PRR16: variants seen among roughly 807,000 people sequenced by gnomAD.
PRR16 encodes the protein protein Largen.
In PRR16, 6 loss-of-function variants were observed where a neutral mutation model predicts 18.2. The observed-to-expected ratio is 0.33, with a 90% CI of 0.18 to 0.65. The LOEUF (loss-of-function observed/expected upper bound fraction) is 0.65, where lower values mean the gene tolerates loss of function less well. Among genes scored for constraint, PRR16 ranks in the 30% least tolerant of loss-of-function variants. The pLI, the probability that PRR16 is intolerant of heterozygous loss-of-function variation, is 0.74. For synonymous variants in PRR16, 151 were observed against 147.8 expected, an observed-to-expected ratio of 1.02 and a Z score of -0.16; for missense variants, 412 against 376.6, an observed-to-expected ratio of 1.09 and a Z score of -0.78.
At chr5:120,672,227 A>C (rs1224380783) in intron 1 of PRR16, among the ~76,000 whole-genome samples, 1 of 122,634 alleles carries the variant, frequency 8.2e-6, no homozygotes, top group African/African-American at 3.0e-5. Flanking sequence ...CTTGAAGGGC[A>C]GGTGAGGGGT....
chr5:120,475,386 T>TTCTCCTCTACTTTCTGTCTTAC (rs1749407630), intron 1 of PRR16, among the ~76,000 whole-genome samples: 1 of 152,186 alleles, frequency 6.6e-6, no homozygotes, highest in African/African-American at 2.4e-5. Flanking sequence ...TTTTTATCCT[T>TTCTCCTCTACTTTCTGTCTTAC]TCTCCTCTAC....
the PRR16 span, among the ~76,000 whole-genome samples, chr5:120,781,933 T>C: frequency 1.3e-5 from 2 of 152,234 alleles, no homozygotes; most frequent in Non-Finnish European, 2.9e-5. Context: ...ATAAAAATTC[T>C]ATTTTTCTAG....
At chr5:120,754,791 T>G in the PRR16 span, among the ~76,000 whole-genome samples, 1 of 150,548 alleles carries the variant, frequency 6.6e-6, no homozygotes, top group South Asian at 2.1e-4. Context: ...TATTGCTAAC[T>G]CTATACCATT....
At chr5:120,676,228 T>G (rs1756790820) in intron 1 of PRR16, among the ~76,000 whole-genome samples, 1 of 152,292 alleles carries the variant, frequency 6.6e-6, no homozygotes, top group South Asian at 2.1e-4. Context: ...AAGTCTACAT[T>G]CCCCAGTATC....
the PRR16 span, among the ~76,000 whole-genome samples, chr5:120,777,887 G>T: frequency 1.3e-5 from 2 of 152,038 alleles, no homozygotes; most frequent in Admixed American, 6.6e-5. Context: ...ATATTAAGTT[G>T]ACTTTATTAG....
intron 1 of PRR16, among the ~76,000 whole-genome samples, chr5:120,627,657 C>T (rs1754911042): frequency 6.6e-6 from 1 of 152,060 alleles, no homozygotes; most frequent in African/African-American, 2.4e-5. Flanking sequence ...GATTATTTAA[C>T]TATTGTGCTG....
chr5:120,716,002 C>T, the PRR16 span, among the ~76,000 whole-genome samples: 5 of 152,114 alleles, frequency 3.3e-5, no homozygotes, highest in East Asian at 9.6e-4. Context: ...AGGATTAGTT[C>T]AGCCTCCAAT....
chr5:120,682,027 G>C (rs1460238049), intron 1 of PRR16, among the ~76,000 whole-genome samples: 3 of 152,148 alleles, frequency 2.0e-5, no homozygotes, highest in Non-Finnish European at 2.9e-5. Flanking sequence ...TCTCACTTCT[G>C]CAACTCTTTA....
intron 1 of PRR16, among the ~76,000 whole-genome samples, chr5:120,470,979 C>T (rs1182982441): frequency 6.6e-6 from 1 of 152,102 alleles, no homozygotes; most frequent in African/African-American, 2.4e-5. Flanking sequence ...TATTGCCAAA[C>T]TGTCTTCCAG....
chr5:120,658,634 T>G (rs1373702629), intron 1 of PRR16, among the ~76,000 whole-genome samples: 1 of 151,790 alleles, frequency 6.6e-6, no homozygotes, highest in Admixed American at 6.6e-5. Flanking sequence ...AAGACAAAAA[T>G]AAGATACTAC....
intron 1 of PRR16, among the ~76,000 whole-genome samples, chr5:120,538,929 G>A (rs993954871): frequency 3.3e-5 from 5 of 152,114 alleles, no homozygotes; most frequent in Admixed American, 3.3e-4. Context: ...TTCCCTGGAG[G>A]AAGACTGTGA....
intron 1 of PRR16, among the ~76,000 whole-genome samples, chr5:120,615,384 C>CTTT (rs10717083): frequency 8.4e-6 from 1 of 119,480 alleles, no homozygotes; most frequent in African/African-American, 3.1e-5. Context: ...TCTTTCTTTT[C>CTTT]TTTTTTTTTT....
At chr5:120,777,180 A>G in the PRR16 span, among the ~76,000 whole-genome samples, 6 of 152,104 alleles carry the variant, frequency 3.9e-5, no homozygotes, top group African/African-American at 9.7e-5. Context: ...TTAACATATC[A>G]TCAAGTTTAA....
At chr5:120,722,071 T>G in the PRR16 span, among the ~76,000 whole-genome samples, 1 of 152,022 alleles carries the variant, frequency 6.6e-6, no homozygotes, top group Non-Finnish European at 1.5e-5. Context: ...CCCCTCCCTG[T>G]TTCCATGTGT....
chr5:120,487,421 C>A (rs1408527104), intron 1 of PRR16, among the ~76,000 whole-genome samples: 16 of 152,072 alleles, frequency 1.1e-4, no homozygotes, highest in South Asian at 2.1e-4. Flanking sequence ...TGTGAATGGG[C>A]GTTCACTCAT....
chr5:120,770,397 C>T, the PRR16 span, among the ~76,000 whole-genome samples: 1 of 151,842 alleles, frequency 6.6e-6, no homozygotes, highest in Non-Finnish European at 1.5e-5. Context: ...TGGACCCTTG[C>T]CTTACATTAT....
At chr5:120,468,317 G>A (rs1159839644) in intron 1 of PRR16, among the ~76,000 whole-genome samples, 1 of 152,158 alleles carries the variant, frequency 6.6e-6, no homozygotes, top group Non-Finnish European at 1.5e-5. Flanking sequence ...AGATTTCCAT[G>A]AAAGCTAAGT....
chr5:120,476,182 G>A (rs988235273), intron 1 of PRR16, among the ~76,000 whole-genome samples: 3 of 152,058 alleles, frequency 2.0e-5, no homozygotes, highest in Non-Finnish European at 2.9e-5. Flanking sequence ...CCAGTCCCCT[G>A]CTTAAAAGAT....
At chr5:120,702,519 G>C in the PRR16 span, among the ~76,000 whole-genome samples, 1 of 152,132 alleles carries the variant, frequency 6.6e-6, no homozygotes, top group Non-Finnish European at 1.5e-5. Context: ...GGGACTTGCT[G>C]TTAAGGGTGA....
Sources: allele counts gnomAD v4.1 joint callset (sites outside exome capture counted in the v4.1 genomes callset), GRCh38; gene constraint gnomAD v4.1.1; transcripts MANE v1.5; gene names NCBI Gene and HGNC (gene_info 2026-07-23, HGNC 2026-07-21).